KLF13: variants seen among roughly 807,000 people sequenced by gnomAD.
KLF13 encodes KLF transcription factor 13.
KLF13 carries 8 observed loss-of-function variants against 16.7 expected under a neutral mutation model. That is an observed-to-expected ratio of 0.48 (90% CI 0.28 to 0.87). The LOEUF is 0.87. Ranked by LOEUF, KLF13 falls within the 40% of genes least tolerant of loss-of-function variation. The pLI is 0.10. For missense variants in KLF13, 447 were observed against 452.2 expected (o/e 0.99, Z 0.10); for synonymous variants, 245 against 208.4 (o/e 1.18, Z -1.51).
chr15:31,365,182 C>T (rs2039446112), intron 1 of KLF13, among the ~76,000 whole-genome samples: 1 of 152,168 alleles, frequency 6.6e-6, no homozygotes, highest in African/African-American at 2.4e-5. Flanking sequence ...GGGACAGTGG[C>T]CTGGGAGCCT....
At chr15:31,335,484 CGGGGCAG>C (rs1293901284) in intron 1 of KLF13, among the ~76,000 whole-genome samples, 3 of 12,042 alleles carry the variant, frequency 2.5e-4, no homozygotes, top group Non-Finnish European at 5.0e-4. Flanking sequence ...TGTATGGTGG[CGGGGCAG>C]GGGGCGGGGG....
downstream of KLF13, among the ~76,000 whole-genome samples, chr15:31,407,353 G>C (rs2040141749): frequency 6.6e-6 from 1 of 152,016 alleles, no homozygotes; most frequent in Non-Finnish European, 1.5e-5. Context: ...TCAATACCTG[G>C]GCATTTTGCC....
intron 2 of KLF13, chr15:31,403,392 G>A (rs2040069368): frequency 1.3e-5 from 2 of 152,188 alleles, no homozygotes; most frequent in South Asian, 2.1e-4. Flanking sequence ...CACCATACAT[G>A]TTCCCATCTT....
At chr15:31,432,707 C>T (rs1357734702) in intron 1 of KLF13, among the ~76,000 whole-genome samples, 1 of 152,096 alleles carries the variant, frequency 6.6e-6, no homozygotes, top group Non-Finnish European at 1.5e-5. Context: ...GCCTTAACTT[C>T]CCAAAGTGCT....
chr15:31,382,007 C>G (rs2039733453), downstream of KLF13, among the ~76,000 whole-genome samples: 2 of 152,178 alleles, frequency 1.3e-5, no homozygotes, highest in African/African-American at 4.8e-5. Flanking sequence ...CTTGCCTTCA[C>G]CTGGGAAGCA....
intron 1 of KLF13, among the ~76,000 whole-genome samples, chr15:31,340,846 G>A (rs79532400): frequency 0.014 from 2,198 of 152,250 alleles, 61 homozygotes; most frequent in African/African-American, 0.05. Flanking sequence ...TCAAACCTGG[G>A]CGACACGGGG....
At position 31,362,206 on chromosome 15, in the gene KLF13, A is replaced by C. The variant is rs187263263; in HGVS notation, c.578-9804A>C. On this transcript the variant is annotated intron_variant, in intron 1 of 1. Transcript: ENST00000307145. ...TGCTTCTGTTTAAATCCTTTGCTGA[A>C]TATTTGTCACCCATAGCCTTTTAGG... Among the ~76,000 whole-genome samples the C allele has an allele frequency of 3.9e-5, 6 of 152,268 alleles. 1 individual carries two copies. The East Asian group carries it at 1.2e-3, about 29-fold the overall frequency.
intron 1 of KLF13, among the ~76,000 whole-genome samples, chr15:31,383,907 A>C (rs1332178288): frequency 1.5e-5 from 2 of 135,258 alleles, no homozygotes; most frequent in African/African-American, 6.3e-5. Context: ...GTCTCAAAAA[A>C]TAAATAAATA....
intron 1 of KLF13, among the ~76,000 whole-genome samples, chr15:31,354,201 T>G (rs1183362374): frequency 1.3e-5 from 2 of 152,124 alleles, no homozygotes; most frequent in African/African-American, 4.8e-5. Flanking sequence ...GCCTGCAGGA[T>G]GGGACTTTGC....
chr15:31,432,568 C>T (rs986652748), intron 1 of KLF13, among the ~76,000 whole-genome samples: 2 of 151,804 alleles, frequency 1.3e-5, no homozygotes, highest in Non-Finnish European at 2.9e-5. Context: ...CCTGCCTCAG[C>T]TTCCTGAGTA....
chr15:31,406,755 C>T (rs1005189313), downstream of KLF13, among the ~76,000 whole-genome samples: 3 of 152,184 alleles, frequency 2.0e-5, no homozygotes, highest in African/African-American at 7.2e-5. Flanking sequence ...TGCCTGCATT[C>T]TTTGGTTTGT....
At chr15:31,402,436 T>C (rs1443181326) in intron 2 of KLF13, among the ~76,000 whole-genome samples, 1 of 152,108 alleles carries the variant, frequency 6.6e-6, no homozygotes, top group Non-Finnish European at 1.5e-5. Context: ...AGTCAGAGGG[T>C]TCCCAAGTGG....
At chr15:31,418,100 T>C (rs1386372663) in intron 1 of KLF13, among the ~76,000 whole-genome samples, 1 of 152,214 alleles carries the variant, frequency 6.6e-6, no homozygotes, top group South Asian at 2.1e-4. Context: ...GACAGAGCTT[T>C]ACTTCTAAGT....
chr15:31,424,855 T>A (rs1316091747), intron 1 of KLF13, among the ~76,000 whole-genome samples: 1 of 138,816 alleles, frequency 7.2e-6, no homozygotes, highest in South Asian at 2.3e-4. Context: ...TAATATTATA[T>A]GTAGAAAATT....
downstream of KLF13, among the ~76,000 whole-genome samples, chr15:31,408,712 T>A (rs1233318196): frequency 6.6e-6 from 1 of 152,188 alleles, no homozygotes; most frequent in Non-Finnish European, 1.5e-5. Flanking sequence ...AAGCAAGAGA[T>A]GTTGGAACTA....
At chr15:31,367,664 C>T (rs539265686) in intron 1 of KLF13, among the ~76,000 whole-genome samples, 5 of 152,208 alleles carry the variant, frequency 3.3e-5, no homozygotes, top group South Asian at 2.1e-4. Context: ...GGCTTCCCCC[C>T]ACACCAACAG....
intron 1 of KLF13, among the ~76,000 whole-genome samples, chr15:31,367,605 G>T (rs1367909368): frequency 6.6e-6 from 1 of 152,204 alleles, no homozygotes; most frequent in Non-Finnish European, 1.5e-5. Context: ...AAAGGACAAG[G>T]CTCCTCACAA....
intron 1 of KLF13, among the ~76,000 whole-genome samples, chr15:31,370,285 C>G (rs534214018): frequency 6.6e-6 from 1 of 152,026 alleles, no homozygotes; most frequent in Non-Finnish European, 1.5e-5. Context: ...GACGGAACAT[C>G]GTGACATCCA....
chr15:31,418,347 TAAAG>T (rs1211785582), intron 1 of KLF13, among the ~76,000 whole-genome samples: 2 of 152,060 alleles, frequency 1.3e-5, no homozygotes, highest in African/African-American at 4.8e-5. Flanking sequence ...ATATTAAATC[TAAAG>T]AAAGTAGAGT....
Sources: allele counts gnomAD v4.1 joint callset (sites outside exome capture counted in the v4.1 genomes callset), GRCh38; gene constraint gnomAD v4.1.1; transcripts MANE v1.5; gene names NCBI Gene and HGNC (gene_info 2026-07-23, HGNC 2026-07-21).